The following MDGA2 variants were observed in gnomAD, a reference collection of about 807,000 sequenced individuals.
The protein encoded by MDGA2 is MAM domain containing glycosylphosphatidylinositol anchor 2.
Under a neutral mutation model 117.8 loss-of-function variants are expected in MDGA2, and 40 were observed. That is an observed-to-expected ratio of 0.34 (90% CI 0.26 to 0.44). MDGA2 has a LOEUF of 0.44. Among genes scored for constraint, MDGA2 ranks in the 20% least tolerant of loss-of-function variants. The probability of loss-of-function intolerance (pLI) is 1.00; values close to 1 mark genes in which losing one functional copy is unlikely to be tolerated. For missense variants in MDGA2, 1,123 were observed against 1,250.6 expected (o/e 0.90, Z 1.54); for synonymous variants, 452 against 439.0 (o/e 1.03, Z -0.37).
intron 10 of MDGA2, among the ~76,000 whole-genome samples, chr14:46,907,011 C>G (rs1370271382): frequency 1.6e-5 from 2 of 128,134 alleles, no homozygotes; most frequent in Non-Finnish European, 3.1e-5. Flanking sequence ...GAGTCTTGCT[C>G]TGACGCCCAG....
intron 7 of MDGA2, among the ~76,000 whole-genome samples, chr14:47,041,491 T>C (rs867891095): frequency 1.1e-4 from 17 of 152,032 alleles, no homozygotes; most frequent in African/African-American, 2.7e-4. Context: ...TTCTCTAACA[T>C]ATAGTATATA....
rs756123779 is a variant in MDGA2 at position 46,924,461 on chromosome 14, C to T, written c.2090-4301G>A. ...ACTGATCAAGACCACACATATCTTG[C>T]TTTTGAAAATAATTCACATTTTGGA... On this transcript the variant is annotated intron_variant, in intron 9 of 16. Transcript: ENST00000399232. Among the ~76,000 whole-genome samples, 151 of 152,072 alleles carry T rather than the reference C, an allele frequency of 9.9e-4. 3 individuals are homozygous for T. Among genetic ancestry groups the T allele is most frequent in the Admixed American group, 6.6e-4 (10 of 15,266 alleles).
At position 47,297,831 on chromosome 14, in the gene MDGA2, C is replaced by T. The variant is rs191167756; in HGVS notation, c.420+3580G>A. On this transcript the variant is annotated intron_variant, in intron 2 of 16. Coordinates refer to ENST00000399232, the MANE Select transcript of MDGA2 (RefSeq NM_001113498.3). ...AAAGCAGGATATAGGAATGCTAAAA[C>T]CATTTTTAAAATCTACTTATTTTCA... Among the ~76,000 whole-genome samples the T allele has an allele frequency of 2.5e-3, 373 of 152,204 alleles. 3 individuals are homozygous for T. Among genetic ancestry groups the T allele is most frequent in the African/African-American group, 8.3e-3 (346 of 41,506 alleles).
intron 1 of MDGA2, among the ~76,000 whole-genome samples, chr14:47,308,309 C>T (rs985547762): frequency 6.6e-6 from 1 of 152,040 alleles, no homozygotes; most frequent in Non-Finnish European, 1.5e-5. Flanking sequence ...CAATATTGTA[C>T]CAGCATTTTA....
chr14:47,521,655 C>G (rs1414299027), intron 1 of MDGA2, among the ~76,000 whole-genome samples: 1 of 151,996 alleles, frequency 6.6e-6, no homozygotes, highest in Non-Finnish European at 1.5e-5. Context: ...TGATTTTTAT[C>G]TCCATACGCA....
intron 10 of MDGA2, 101 bp from the exon 11 acceptor site, chr14:46,882,322 C>T (rs1007898219): frequency 2.0e-5 from 20 of 993,440 alleles, no homozygotes; most frequent in South Asian, 3.4e-5. Context: ...TCAAAAAGTA[C>T]GTATATTAAT....
At chr14:46,933,603 C>T (rs1003703671) in intron 9 of MDGA2, among the ~76,000 whole-genome samples, 19 of 151,236 alleles carry the variant, frequency 1.3e-4, no homozygotes, top group African/African-American at 4.6e-4. Context: ...GGAAGATTTC[C>T]ATAAGTTAAT....
chr14:47,248,545 A>T (rs1366668256), intron 2 of MDGA2, among the ~76,000 whole-genome samples: 1 of 147,334 alleles, frequency 6.8e-6, no homozygotes, highest in Non-Finnish European at 1.6e-5. Context: ...CAAATCTTTA[A>T]TATCTAATTG....
intron 3 of MDGA2, among the ~76,000 whole-genome samples, chr14:47,161,707 C>A (rs1883641342): frequency 6.6e-6 from 1 of 151,814 alleles, no homozygotes; most frequent in African/African-American, 2.4e-5. Flanking sequence ...CCCCCACCCT[C>A]TGCTGCCCAC....
At chr14:47,454,230 C>T (rs1325509328) in intron 1 of MDGA2, among the ~76,000 whole-genome samples, 2 of 152,106 alleles carry the variant, frequency 1.3e-5, no homozygotes, top group Non-Finnish European at 2.9e-5. Flanking sequence ...AGGCAGCCAA[C>T]TCTAATTTTT....
rs529420224 is a variant in MDGA2, at chr14:47,555,791, C to T, written c.280+118726G>A. ...TCCTTCTATCTTCAGTCTCTTCTATCCATCTCGACCCTTTGGTAATTATTT... is the reference window on the plus strand; with the variant it reads ...TCCTTCTATCTTCAGTCTCTTCTATTCATCTCGACCCTTTGGTAATTATTT... On this transcript the variant is annotated intron_variant, in intron 1 of 16. Coordinates refer to ENST00000399232, the MANE Select transcript of MDGA2 (RefSeq NM_001113498.3). Among the ~76,000 whole-genome samples the T allele has an allele frequency of 3.3e-5, 5 of 152,248 alleles. 1 individual carries two copies. In the South Asian group the frequency reaches 1.0e-3, roughly 32 times the overall value.
intron 8 of MDGA2, among the ~76,000 whole-genome samples, chr14:46,982,511 C>A (rs572633902): frequency 1.1e-4 from 16 of 151,624 alleles, no homozygotes; most frequent in Admixed American, 8.6e-4. Flanking sequence ...GAGATAGAGA[C>A]CATCCTGGCC....
intron 3 of MDGA2, among the ~76,000 whole-genome samples, chr14:47,174,995 C>G (rs1289661341): frequency 6.6e-6 from 1 of 152,076 alleles, no homozygotes; most frequent in Non-Finnish European, 1.5e-5. Context: ...GAAATACAAA[C>G]TACCATCAGA....
chr14:47,591,146 G>T (rs1235909516), intron 1 of MDGA2, among the ~76,000 whole-genome samples: 2 of 152,048 alleles, frequency 1.3e-5, no homozygotes, highest in Non-Finnish European at 1.5e-5. Flanking sequence ...TTACAAAGGA[G>T]AATTTCTCTC....
At chr14:47,494,597 C>T (rs1469632628) in intron 1 of MDGA2, among the ~76,000 whole-genome samples, 1 of 152,066 alleles carries the variant, frequency 6.6e-6, no homozygotes, top group Non-Finnish European at 1.5e-5. Flanking sequence ...AATTATTTGT[C>T]TAGACCAATG....
At chr14:47,499,113 T>G (rs1217533370) in intron 1 of MDGA2, among the ~76,000 whole-genome samples, 1 of 152,100 alleles carries the variant, frequency 6.6e-6, no homozygotes, top group African/African-American at 2.4e-5. Context: ...AAACCAAAGG[T>G]GTGTGTTCAT....
At chr14:47,386,200 T>G (rs57645873) in intron 1 of MDGA2, among the ~76,000 whole-genome samples, 38,554 of 151,968 alleles carry the variant, frequency 0.25, 5,100 homozygotes, top group South Asian at 0.45. Flanking sequence ...GAGAATTGTT[T>G]GAACACGGAG....
intron 3 of MDGA2, among the ~76,000 whole-genome samples, chr14:47,198,688 T>G (rs1180824733): frequency 6.6e-6 from 1 of 152,224 alleles, no homozygotes; most frequent in African/African-American, 2.4e-5. Flanking sequence ...CCAGACTCAT[T>G]TAGCAATGTT....
chr14:47,201,186 G>T (rs779974355), intron 3 of MDGA2: 5 of 607,316 alleles, frequency 8.2e-6, no homozygotes, highest in African/African-American at 1.8e-5. Flanking sequence ...ACTTCTTGAG[G>T]AACATTTTTC....
Sources: allele counts gnomAD v4.1 joint callset (sites outside exome capture counted in the v4.1 genomes callset), GRCh38; gene constraint gnomAD v4.1.1; transcripts MANE v1.5; gene names NCBI Gene and HGNC (gene_info 2026-07-23, HGNC 2026-07-21).